Variants in NCOA6 observed in about 807,000 individuals in gnomAD.
The protein encoded by NCOA6 is NRC RAP250.
A neutral mutation model predicts 171.4 loss-of-function variants in NCOA6; 49 were observed. The ratio of observed to expected loss-of-function variants is 0.29; its 90% confidence interval spans 0.23 to 0.36. NCOA6 has a LOEUF of 0.36. NCOA6 is among the 10% of genes least tolerant of loss of function. The pLI is 1.00. For missense variants in NCOA6, 2,248 were observed against 2,554.5 expected (o/e 0.88, Z 2.59); for synonymous variants, 910 against 927.5 (o/e 0.98, Z 0.34).
intron 5 of NCOA6, among the ~76,000 whole-genome samples, chr20:34,762,597 T>C (rs1353830772): frequency 6.6e-6 from 1 of 152,190 alleles, no homozygotes. Context: ...TCATATTATT[T>C]TACTGGTATC....
intron 1 of NCOA6, among the ~76,000 whole-genome samples, chr20:34,792,776 A>ATTTT (rs35924752): frequency 9.1e-4 from 102 of 112,282 alleles, no homozygotes; most frequent in Non-Finnish European, 1.2e-3. Context: ...ATCTTTTCTG[A>ATTTT]TTTTTTTTTT....
intron 9 of NCOA6, 144 bp from the exon 10 acceptor site, chr20:34,747,072 A>C (rs1186488827): frequency 1.2e-6 from 1 of 833,760 alleles, no homozygotes; most frequent in Non-Finnish European, 1.7e-6. Context: ...GTCTAGATAA[A>C]ATATTAAATA....
At chr20:34,816,919 G>A (rs1403526271) in intron 1 of NCOA6, among the ~76,000 whole-genome samples, 1 of 151,624 alleles carries the variant, frequency 6.6e-6, no homozygotes, top group African/African-American at 2.4e-5. Context: ...TCAGGAGTTC[G>A]AGACCAGCCT....
At chr20:34,732,000 G>A (rs1418359454) in intron 13 of NCOA6, among the ~76,000 whole-genome samples, 1 of 152,218 alleles carries the variant, frequency 6.6e-6, no homozygotes, top group Non-Finnish European at 1.5e-5. Context: ...CAGCCTGGGT[G>A]ATAGAGCAAG....
intron 2 of NCOA6, among the ~76,000 whole-genome samples, chr20:34,782,989 T>C (rs557045018): frequency 2.6e-4 from 39 of 152,280 alleles, no homozygotes; most frequent in African/African-American, 8.2e-4. Flanking sequence ...TTAAAAATTC[T>C]TATATGAAAG....
chr20:34,763,768 G>A (rs887528960), intron 5 of NCOA6, among the ~76,000 whole-genome samples: 11 of 152,120 alleles, frequency 7.2e-5, no homozygotes, highest in Non-Finnish European at 1.0e-4. Flanking sequence ...CCCACCTAAC[G>A]TCTAGAGCCC....
chr20:34,813,202 A>G (rs1419751220), intron 1 of NCOA6, among the ~76,000 whole-genome samples: 11 of 151,622 alleles, frequency 7.3e-5, no homozygotes, highest in African/African-American at 2.7e-4. Context: ...GCAGTGGTTC[A>G]CGCCTGTATT....
Position 34,818,166 on chromosome 20 carries a change from C to A in NCOA6, c.-164+7306G>T, listed in dbSNP as rs551997048. Among the ~76,000 whole-genome samples the A allele has an allele frequency of 6.2e-4, 95 of 152,148 alleles. 1 individual carries two copies. The highest frequency in any genetic ancestry group is 1.2e-3 in the Non-Finnish European group (80 of 68,024). ...AATGCTACTTATGAAATACTTAGCA[C>A]ATTATCTTGCAAATAGTAAGCATGC... On this transcript the variant is annotated intron_variant, in intron 1 of 14. Transcript: ENST00000359003.
intron 1 of NCOA6, chr20:34,819,389 C>A (rs903798188): frequency 5.9e-5 from 9 of 152,150 alleles, no homozygotes; most frequent in African/African-American, 2.2e-4. Flanking sequence ...GTCAGAAACT[C>A]AGAGGTCTGT....
intron 5 of NCOA6, among the ~76,000 whole-genome samples, chr20:34,764,492 G>A (rs1171483653): frequency 1.3e-5 from 2 of 151,758 alleles, no homozygotes; most frequent in Non-Finnish European, 2.9e-5. Flanking sequence ...TCAGGAGTTC[G>A]AGACCAGCCT....
intron 1 of NCOA6, among the ~76,000 whole-genome samples, chr20:34,822,001 A>G (rs1176136777): frequency 1.3e-5 from 2 of 151,556 alleles, no homozygotes; most frequent in East Asian, 3.9e-4. Flanking sequence ...TTCTAACTCC[A>G]CTCAATGCCC....
intron 4 of NCOA6, among the ~76,000 whole-genome samples, chr20:34,769,877 G>A (rs1293229741): frequency 6.6e-6 from 1 of 152,178 alleles, no homozygotes; most frequent in African/African-American, 2.4e-5. Context: ...GCACCACCTT[G>A]TGGAGAGTTA....
intron 3 of NCOA6, among the ~76,000 whole-genome samples, chr20:34,776,986 A>G (rs1038663893): frequency 4.6e-5 from 7 of 151,918 alleles, no homozygotes; most frequent in African/African-American, 1.7e-4. Flanking sequence ...GCATGGTGGC[A>G]TGCACCTGTA....
chr20:34,741,230 T>C lies in NCOA6; in HGVS notation c.5026A>G (p.Ser1676Gly), dbSNP rs1443605065. Residue 1676 changes from serine (S) to glycine (G), a missense_variant, in exon 11 of 15, where the codon AGC becomes GGC. Ser to Gly is a moderately conservative substitution (Grantham distance 56). Transcript: ENST00000359003. ...IIQVMKGSQP[S>G]TIPAAPLTTN... is the part of the protein sequence containing the mutation. Reference sequence around the variant, plus strand: ...GTCAGTGGGGCTGCAGGAATTGTGCTTGGCTGTGATCCTTTCATAACCTGA... The same window carrying C: ...GTCAGTGGGGCTGCAGGAATTGTGCCTGGCTGTGATCCTTTCATAACCTGA... 6.2e-7 allele frequency: 1 copy of C among 1,614,256 alleles called. No individual in the cohort carries two copies. The highest frequency in any genetic ancestry group is 2.2e-5 in the East Asian group (1 of 44,892).
chr20:34,784,223 CT>C (rs565454014), intron 2 of NCOA6, among the ~76,000 whole-genome samples: 129 of 145,030 alleles, frequency 8.9e-4, no homozygotes, highest in Middle Eastern at 7.2e-3. Flanking sequence ...CACCGTTTAA[CT>C]TTTTTTTTTT....
intron 1 of NCOA6, among the ~76,000 whole-genome samples, chr20:34,801,861 AAAAACAAAAC>A (rs3053687): frequency 1.3e-5 from 2 of 151,772 alleles, no homozygotes; most frequent in Non-Finnish European, 2.9e-5. Flanking sequence ...ACTCCATCTC[AAAAACAAAAC>A]AAAACAAAAC....
rs2076419107 is a variant in NCOA6 at position 34,749,963 on chromosome 20, C to T, written c.2232G>A (p.Met744Ile). ...CTTGCATGTTTGGAGTTGGTCCCCT[C>T]ATTATCTGGGCTGGTCCCGGCATGA... ...SNVMPGPAQI[M>I]RGPTPNMQGN... is the part of the protein sequence containing the mutation. The change falls in exon 9 of 15, where the codon ATG (methionine) becomes ATA (isoleucine). Residue 744 changes from methionine (M) to isoleucine (I), a missense_variant. Around this residue, in one of 7 missense-constraint regions of NCOA6, gnomAD observed 987 missense variants for 1,104.7 expected, o/e 0.89. Transcript: ENST00000359003. 2 of 1,614,220 alleles carry T rather than the reference C, an allele frequency of 1.2e-6. No individual in the cohort carries two copies. Among genetic ancestry groups the T allele is most frequent in the Non-Finnish European group, 8.5e-7 (1 of 1,180,028 alleles).
At chr20:34,809,825 A>G (rs2078593063) in intron 1 of NCOA6, among the ~76,000 whole-genome samples, 1 of 152,162 alleles carries the variant, frequency 6.6e-6, no homozygotes, top group South Asian at 2.1e-4. Flanking sequence ...AAAATTAGCC[A>G]GGCATGGTGG....
At chr20:34,737,818 T>C (rs1382031911) in intron 11 of NCOA6, among the ~76,000 whole-genome samples, 2 of 152,254 alleles carry the variant, frequency 1.3e-5, no homozygotes, top group African/African-American at 4.8e-5. Context: ...TGTTTAAGAA[T>C]TTATTTTGGA....
Sources: gnomAD v4.1 joint callset for allele counts (sites outside exome capture counted in the v4.1 genomes callset) on GRCh38, gnomAD v4.1.1 for gene constraint, gnomAD v4.1.1 regional missense constraint, MANE v1.5 for transcripts, NCBI Gene and HGNC (gene_info 2026-07-23, HGNC 2026-07-21) for gene names.